CERS6: variants seen among roughly 807,000 people sequenced by gnomAD.
CERS6 encodes the protein LAG1 homolog, ceramide synthase 6.
In CERS6, 26 loss-of-function variants were observed where a neutral mutation model predicts 56.8. That is an observed-to-expected ratio of 0.46 (90% CI 0.34 to 0.63). CERS6 has a LOEUF of 0.63. Ranked by LOEUF, CERS6 falls within the 30% of genes least tolerant of loss-of-function variation. CERS6 has a pLI of 0.01. For synonymous variants in CERS6, 164 were observed against 173.3 expected, an observed-to-expected ratio of 0.95 and a Z score of 0.42; for missense variants, 415 against 467.5, an observed-to-expected ratio of 0.89 and a Z score of 1.04.
At chr2:168,734,099 T>A (rs1207622181) in intron 8 of CERS6, among the ~76,000 whole-genome samples, 1 of 152,190 alleles carries the variant, frequency 6.6e-6, no homozygotes, top group Non-Finnish European at 1.5e-5. Context: ...GATGTTATGC[T>A]TTGGCAATCA....
rs914976992 is a variant in CERS6, at chr2:168,657,679, C to T, written c.465+26637C>T. 1.1e-4 allele frequency among the ~76,000 whole-genome samples: 17 copies of T among 152,342 alleles called. No individual in the cohort carries two copies. The South Asian group carries it at 2.9e-3, about 26-fold the overall frequency. ...AGTACACCCTCCGCAGCCACTGGCC[C>T]GGGTGCTAAGTCCCCCATTGCCCGG... On this transcript the variant is annotated intron_variant, in intron 4 of 9. Transcript: ENST00000305747.
intron 1 of CERS6, among the ~76,000 whole-genome samples, chr2:168,541,150 A>T (rs1351082176): frequency 6.6e-6 from 1 of 152,136 alleles, no homozygotes; most frequent in Non-Finnish European, 1.5e-5. Flanking sequence ...GTGGAAACTC[A>T]TAGAGCTAGA....
At position 168,620,687 on chromosome 2, in the gene CERS6, G is replaced by T. The variant is rs77545536; in HGVS notation, c.408-10298G>T. 7.1e-3 allele frequency among the ~76,000 whole-genome samples: 1,065 copies of T among 150,972 alleles called. 12 individuals are homozygous for T. The highest frequency in any genetic ancestry group is 0.025 in the African/African-American group (1,009 of 41,134). ...GTTCTGTTACTCAGTCTCGTGTTTT[G>T]TTATGAGACGTGTAGTAGAGCCTGC... On this transcript the variant is annotated intron_variant, in intron 3 of 9. Coordinates refer to ENST00000305747, the MANE Select transcript of CERS6 (RefSeq NM_203463.3).
chr2:168,765,307 A>C (rs1320688711), intron 8 of CERS6, among the ~76,000 whole-genome samples: 2 of 152,250 alleles, frequency 1.3e-5, no homozygotes, highest in Non-Finnish European at 2.9e-5. Context: ...CGTACACTTA[A>C]AAAAGTCAAG....
At chr2:168,569,320 T>C (rs888036997) in intron 3 of CERS6, among the ~76,000 whole-genome samples, 2 of 152,160 alleles carry the variant, frequency 1.3e-5, no homozygotes, top group African/African-American at 4.8e-5. Context: ...GGCAGTCACA[T>C]TGGGAGGTAG....
intron 1 of CERS6, among the ~76,000 whole-genome samples, chr2:168,542,897 A>G (rs977304584): frequency 6.6e-6 from 1 of 152,030 alleles, no homozygotes; most frequent in African/African-American, 2.4e-5. Flanking sequence ...GGGTTTCACC[A>G]TGTTGGCCAG....
At chr2:168,741,251 CA>C (rs1683892795) in intron 8 of CERS6, among the ~76,000 whole-genome samples, 1 of 151,634 alleles carries the variant, frequency 6.6e-6, no homozygotes, top group African/African-American at 2.4e-5. Context: ...TTAATAATAG[CA>C]GTGATAGTGG....
At chr2:168,541,021 G>T (rs1257532829) in intron 1 of CERS6, among the ~76,000 whole-genome samples, 1 of 152,202 alleles carries the variant, frequency 6.6e-6, no homozygotes, top group African/African-American at 2.4e-5. Context: ...TCTGTATCTG[G>T]TGAGGGCCTC....
chr2:168,585,421 T>G (rs914114052), intron 3 of CERS6, among the ~76,000 whole-genome samples: 1 of 152,244 alleles, frequency 6.6e-6, no homozygotes, highest in African/African-American at 2.4e-5. Context: ...CCCTGAAAAG[T>G]ATGGTCTAAT....
chr2:168,482,062 T>G (rs1308232935), intron 1 of CERS6, among the ~76,000 whole-genome samples: 6 of 152,240 alleles, frequency 3.9e-5, no homozygotes, highest in Non-Finnish European at 1.5e-5. Context: ...GAATTTGTAG[T>G]TAGAGCACAA....
chr2:168,644,859 C>G (rs1159406683), intron 4 of CERS6, among the ~76,000 whole-genome samples: 1 of 151,530 alleles, frequency 6.6e-6, no homozygotes, highest in East Asian at 1.9e-4. Context: ...TTTGGGAGGC[C>G]AAGATGGGCA....
chr2:168,702,031 A>G (rs1430928014), intron 6 of CERS6, among the ~76,000 whole-genome samples: 1 of 152,154 alleles, frequency 6.6e-6, no homozygotes, highest in Non-Finnish European at 1.5e-5. Flanking sequence ...CATTCTATAC[A>G]TGTTCACAAC....
chr2:168,635,708 T>C (rs1282658047), intron 4 of CERS6, among the ~76,000 whole-genome samples: 2 of 152,192 alleles, frequency 1.3e-5, no homozygotes, highest in East Asian at 3.8e-4. Context: ...ATTGACTTCA[T>C]GACTAACTGC....
intron 9 of CERS6, among the ~76,000 whole-genome samples, chr2:168,767,665 A>G (rs938647192): frequency 6.6e-6 from 1 of 152,078 alleles, no homozygotes; most frequent in African/African-American, 2.4e-5. Context: ...AGTTCTCCTG[A>G]CCCCACCCAC....
At position 168,526,599 on chromosome 2, in the gene CERS6, G is replaced by A. The variant is rs147756414; in HGVS notation, c.171-20997G>A. Among the ~76,000 whole-genome samples, 39 of 152,304 alleles carry A rather than the reference G, an allele frequency of 2.6e-4. No homozygotes were observed. In the East Asian group the frequency reaches 7.1e-3, roughly 28 times the overall value. ...ACTGTATTACAGAAAAACTGACTCAGGGAGGTAAACTAACTTAATATCTCA... is the reference window on the plus strand; with the variant it reads ...ACTGTATTACAGAAAAACTGACTCAAGGAGGTAAACTAACTTAATATCTCA... On this transcript the variant is annotated intron_variant, in intron 1 of 9. Transcript: ENST00000305747.
chr2:168,758,587 G>A (rs976094394), intron 8 of CERS6, among the ~76,000 whole-genome samples: 8 of 152,144 alleles, frequency 5.3e-5, no homozygotes, highest in Non-Finnish European at 8.8e-5. Flanking sequence ...CCATTCATAC[G>A]GTAAGATCAC....
intron 3 of CERS6, among the ~76,000 whole-genome samples, chr2:168,598,987 T>C (rs16855584): frequency 0.12 from 18,979 of 152,172 alleles, 2,250 homozygotes; most frequent in African/African-American, 0.31. Context: ...ATAACAGCAC[T>C]TGACATTTGT....
At chr2:168,469,586 A>C (rs1693941124) in intron 1 of CERS6, among the ~76,000 whole-genome samples, 1 of 152,186 alleles carries the variant, frequency 6.6e-6, no homozygotes, top group Non-Finnish European at 1.5e-5. Flanking sequence ...GGTGTCCTGA[A>C]GTGGGGAATG....
chr2:168,645,181 A>AGAGAGAGAGAGAGAGAGAGAGAGAGT (rs1332171299), intron 4 of CERS6, among the ~76,000 whole-genome samples: 8 of 120,654 alleles, frequency 6.6e-5, no homozygotes, highest in Non-Finnish European at 1.2e-4. Flanking sequence ...AGAGAGAGAG[A>AGAGAGAGAGAGAGAGAGAGAGAGAGT]GAGAGAGAGT....
Sources: gnomAD v4.1 joint callset for allele counts (sites outside exome capture counted in the v4.1 genomes callset) on GRCh38, gnomAD v4.1.1 for gene constraint, MANE v1.5 for transcripts, NCBI Gene and HGNC (gene_info 2026-07-23, HGNC 2026-07-21) for gene names.